Variants in ADCY2 observed in about 807,000 individuals in gnomAD.
The protein encoded by ADCY2 is adenylate cyclase 2, also known as adenylate cyclase type 2.
ADCY2 carries 31 observed loss-of-function variants against 125.2 expected under a neutral mutation model. The observed-to-expected ratio is 0.25, with a 90% CI of 0.19 to 0.33. The LOEUF (loss-of-function observed/expected upper bound fraction) is 0.33. ADCY2 is among the 10% of genes least tolerant of loss of function. ADCY2 has a pLI of 1.00. For missense variants in ADCY2, 904 were observed against 1,418.2 expected (o/e 0.64, Z 5.82); for synonymous variants, 512 against 548.4 (o/e 0.93, Z 0.93).
chr5:7,496,441 G>A (rs150038733), intron 2 of ADCY2, among the ~76,000 whole-genome samples: 56 of 152,136 alleles, frequency 3.7e-4, no homozygotes, highest in African/African-American at 1.2e-3. Context: ...TATACAGAAA[G>A]GATAAGAAAA....
At chr5:7,768,600 A>G (rs927801091) in intron 17 of ADCY2, among the ~76,000 whole-genome samples, 1 of 152,230 alleles carries the variant, frequency 6.6e-6, no homozygotes, top group Non-Finnish European at 1.5e-5. Context: ...AACTCACCAC[A>G]CTTGGCATCA....
intron 16 of ADCY2, among the ~76,000 whole-genome samples, chr5:7,758,288 A>G (rs139833131): frequency 7.9e-5 from 12 of 152,290 alleles, no homozygotes; most frequent in African/African-American, 2.9e-4. Context: ...TATCAGTCTC[A>G]TCAGTGCCGG....
chr5:7,588,033 A>G (rs892646574), intron 3 of ADCY2, among the ~76,000 whole-genome samples: 3 of 152,208 alleles, frequency 2.0e-5, no homozygotes, highest in African/African-American at 7.2e-5. Flanking sequence ...TACTACTATT[A>G]CAATCCCTGT....
chr5:7,713,104 C>T (rs1053479007), intron 11 of ADCY2, among the ~76,000 whole-genome samples: 23 of 151,990 alleles, frequency 1.5e-4, no homozygotes, highest in Admixed American at 3.3e-4. Flanking sequence ...AAGAAAACAC[C>T]ACCTGGTACT....
intron 20 of ADCY2, among the ~76,000 whole-genome samples, chr5:7,791,516 G>A (rs1396290518): frequency 6.6e-6 from 1 of 152,072 alleles, no homozygotes; most frequent in African/African-American, 2.4e-5. Flanking sequence ...AAATATTCAG[G>A]GCACAGTGGG....
intron 12 of ADCY2, among the ~76,000 whole-genome samples, chr5:7,718,552 G>C (rs2050455007): frequency 6.6e-6 from 1 of 152,172 alleles, no homozygotes. Flanking sequence ...GCCTTTGTGT[G>C]TCAGTGTGAG....
chr5:7,428,036 C>A (rs915378846), intron 2 of ADCY2, among the ~76,000 whole-genome samples: 3 of 152,114 alleles, frequency 2.0e-5, no homozygotes, highest in African/African-American at 7.2e-5. Context: ...AAGACTGAGC[C>A]CTGTGAGGCT....
intron 3 of ADCY2, among the ~76,000 whole-genome samples, chr5:7,580,317 A>G (rs1736388218): frequency 6.6e-6 from 1 of 152,220 alleles, no homozygotes; most frequent in Non-Finnish European, 1.5e-5. Context: ...TAAAGTGGTT[A>G]TAATTAAGTT....
intron 5 of ADCY2, among the ~76,000 whole-genome samples, chr5:7,693,836 A>C (rs1740801881): frequency 6.6e-6 from 1 of 152,182 alleles, no homozygotes; most frequent in Admixed American, 6.5e-5. Flanking sequence ...TGAGCACAAG[A>C]AGCACTGTGG....
intron 2 of ADCY2, among the ~76,000 whole-genome samples, chr5:7,480,995 T>C (rs1173617696): frequency 6.6e-6 from 1 of 152,312 alleles, no homozygotes; most frequent in East Asian, 1.9e-4. Context: ...TTGGGGTATA[T>C]ACTGAGGAGT....
chr5:7,457,698 C>T (rs1177251036), intron 2 of ADCY2, among the ~76,000 whole-genome samples: 1 of 152,166 alleles, frequency 6.6e-6, no homozygotes, highest in Non-Finnish European at 1.5e-5. Flanking sequence ...AAGGCTAATG[C>T]TCTATTGGCT....
chr5:7,541,511 C>A (rs1734996420), intron 3 of ADCY2, among the ~76,000 whole-genome samples: 1 of 152,202 alleles, frequency 6.6e-6, no homozygotes, highest in African/African-American at 2.4e-5. Context: ...TTCCCAAGGA[C>A]AAGACATTAG....
At chr5:7,695,921 T>A (rs1055518564) in intron 6 of ADCY2, 58 bp downstream of exon 6, 1 of 1,164,656 alleles carries the variant, frequency 8.6e-7, no homozygotes, top group Admixed American at 2.2e-5. Flanking sequence ...GTTTCGTTTT[T>A]CTTCATCCAC....
intron 22 of ADCY2, among the ~76,000 whole-genome samples, chr5:7,808,626 C>CTGGGTGTA (rs1219400104): frequency 5.9e-5 from 9 of 152,152 alleles, no homozygotes; most frequent in Admixed American, 4.6e-4. Context: ...GGGCTCAGAC[C>CTGGGTGTA]TGGGTGTATC....
chr5:7,647,301 G>T (rs140653712), intron 4 of ADCY2, among the ~76,000 whole-genome samples: 1 of 152,156 alleles, frequency 6.6e-6, no homozygotes, highest in African/African-American at 2.4e-5. Context: ...ATCTGCCCCA[G>T]AGAAATCTTC....
At chr5:7,670,867 C>T (rs1434605993) in intron 4 of ADCY2, among the ~76,000 whole-genome samples, 1 of 152,164 alleles carries the variant, frequency 6.6e-6, no homozygotes, top group Non-Finnish European at 1.5e-5. Context: ...GCTCTGCGGC[C>T]CAGTTCCTAA....
intron 3 of ADCY2, among the ~76,000 whole-genome samples, chr5:7,530,850 G>T (rs1053531907): frequency 6.6e-6 from 1 of 152,000 alleles, no homozygotes; most frequent in Non-Finnish European, 1.5e-5. Context: ...TGTACCCTCT[G>T]CCCAGAGTGC....
At chr5:7,789,529 G>C in intron 19 of ADCY2, 113 bp from the exon 20 acceptor site, 1 of 1,040,882 alleles carries the variant, frequency 9.6e-7, no homozygotes, top group Non-Finnish European at 1.4e-6. Flanking sequence ...AGTTCTGTTT[G>C]GGGGTTCTTT....
intron 3 of ADCY2, among the ~76,000 whole-genome samples, chr5:7,564,830 G>A (rs1185501436): frequency 1.3e-5 from 2 of 152,142 alleles, no homozygotes; most frequent in African/African-American, 4.8e-5. Context: ...GGAAGGTTTT[G>A]TTCTGTTCTT....
Sources: gnomAD v4.1 joint callset for allele counts (sites outside exome capture counted in the v4.1 genomes callset) on GRCh38, gnomAD v4.1.1 for gene constraint, MANE v1.5 for transcripts, NCBI Gene and HGNC (gene_info 2026-07-23, HGNC 2026-07-21) for gene names.